The following SDAD1 variants were observed in gnomAD, a reference collection of about 807,000 sequenced individuals.
SDAD1 encodes protein SDA1 homolog.
A neutral mutation model predicts 100.3 loss-of-function variants in SDAD1; 79 were observed. The observed-to-expected ratio is 0.79, with a 90% CI of 0.66 to 0.95. The LOEUF (loss-of-function observed/expected upper bound fraction) is 0.95. SDAD1 is among the 40% of genes least tolerant of loss of function. The pLI is 0.00. For missense variants in SDAD1, 790 were observed against 810.9 expected (o/e 0.97, Z 0.31); for synonymous variants, 267 against 271.4 (o/e 0.98, Z 0.16).
chr4:75,955,213 CAT>C (rs1728822667), intron 21 of SDAD1, among the ~76,000 whole-genome samples: 1 of 152,216 alleles, frequency 6.6e-6, no homozygotes, highest in African/African-American at 2.4e-5. Context: ...ACTTCATCCC[CAT>C]GTGACCATCT....
intron 4 of SDAD1, 84 bp from the exon 5 acceptor site, chr4:75,976,079 C>A: frequency 1.3e-6 from 1 of 783,864 alleles, no homozygotes; most frequent in Non-Finnish European, 2.0e-6. Context: ...TATGAATGTA[C>A]AGGATGACTT....
intron 2 of SDAD1, 113 bp from the exon 3 acceptor site, chr4:75,981,583 T>G (rs1210068658): frequency 1.3e-6 from 2 of 1,538,332 alleles, no homozygotes; most frequent in Non-Finnish European, 1.8e-6. Flanking sequence ...TTCATAGAAG[T>G]AGATGGTTCC....
In SDAD1 at chr4:75,957,334, T is replaced by C. The variant is rs1249182834; in HGVS notation, c.1845A>G (p.Ala615=). ...TGATATGCTCACTCACCATTGCAGT[T>C]GCTAGTCTTGTCTCTTTGTCAGACT... is the stretch of plus-strand genomic sequence containing the variant. ...KPKSDKETRL[A]TAMAGKTDRK... The change falls in exon 20 of 22, where the codon GCA becomes GCG. Residue 615 remains alanine (A), a synonymous_variant. Transcript: ENST00000356260. The C allele has an allele frequency of 6.2e-7, 1 of 1,613,768 alleles. No homozygotes were observed. The highest frequency in any genetic ancestry group is 1.3e-5 in the African/African-American group (1 of 74,942).
chr4:75,956,012 A>G lies in SDAD1; in HGVS notation c.1979T>C (p.Val660Ala), dbSNP rs757534081. The G allele has an allele frequency of 1.9e-6, 3 of 1,600,778 alleles. No individual in the cohort carries two copies. The highest frequency in any genetic ancestry group is 2.5e-6 in the Non-Finnish European group (3 of 1,176,910). Residue 660 changes from valine to alanine, a missense_variant, in exon 21 of 22, where the codon GTC becomes GCC. Val to Ala is a moderately conservative substitution (Grantham distance 64, BLOSUM62 0). Coordinates refer to ENST00000356260, the MANE Select transcript of SDAD1 (RefSeq NM_018115.4). ...GAAGGAACGCTTATTTTTTGACCGGACATTCTGGCTATACCGCATCATCAT... is the reference window on the plus strand; with the variant it reads ...GAAGGAACGCTTATTTTTTGACCGGGCATTCTGGCTATACCGCATCATCAT... ...NFMMMRYSQN[V>A]RSKNKRSFRE...
At chr4:75,980,606 C>T (rs543575377) in intron 3 of SDAD1, among the ~76,000 whole-genome samples, 3 of 152,152 alleles carry the variant, frequency 2.0e-5, no homozygotes, top group South Asian at 2.1e-4. Context: ...TGCAGAGACA[C>T]GCAAAGCAAA....
rs1190453553 is a variant in SDAD1 at position 75,965,663 on chromosome 4, T to G, written c.1104+101A>C. 4 of 905,112 alleles carry G rather than the reference T, an allele frequency of 4.4e-6. No individual in the cohort carries two copies. The East Asian group carries it at 9.9e-5, about 22-fold the overall frequency. The allele number at this position is 905,112 out of a possible 1,614,324, so 56.1% of individuals were successfully genotyped here. A position where few individuals can be genotyped will look rare whatever the true frequency, so the allele number is the denominator to read the frequency against. On this transcript the variant is annotated intron_variant, in intron 13 of 21. Coordinates refer to ENST00000356260, the MANE Select transcript of SDAD1 (RefSeq NM_018115.4). ...GACAAGAAATAGAAAAAAACCCACG[T>G]TGAATTATCGGGGGCAGGTTCCCCC...
At chr4:75,956,520 C>G (rs1241423524) in intron 20 of SDAD1, among the ~76,000 whole-genome samples, 1 of 150,746 alleles carries the variant, frequency 6.6e-6, no homozygotes, top group Admixed American at 6.6e-5. Context: ...AGAAAGGACA[C>G]ATGGAAGACA....
At chr4:75,970,214 G>T in intron 10 of SDAD1, 95 bp downstream of exon 10, 1 of 996,456 alleles carries the variant, frequency 1.0e-6, no homozygotes, top group Non-Finnish European at 1.5e-6. Flanking sequence ...TCTACTAAAT[G>T]CCAGGGATCT....
chr4:75,966,264 G>GTATACA (rs1195380336), intron 12 of SDAD1, among the ~76,000 whole-genome samples: 3 of 107,886 alleles, frequency 2.8e-5, no homozygotes, highest in Admixed American at 9.9e-5. Flanking sequence ...CTGAATGAAT[G>GTATACA]CATACACACA....
chr4:75,956,629 C>T (rs1235709952), intron 20 of SDAD1, among the ~76,000 whole-genome samples: 2 of 152,166 alleles, frequency 1.3e-5, no homozygotes, highest in African/African-American at 2.4e-5. Context: ...TGAGCAGCCA[C>T]AGCACTAGCC....
chr4:75,983,888 C>T (rs1730705956), intron 1 of SDAD1, among the ~76,000 whole-genome samples: 2 of 151,916 alleles, frequency 1.3e-5, no homozygotes, highest in Admixed American at 6.5e-5. Flanking sequence ...ATGGTATTGC[C>T]TAGGTTTTCT....
intron 6 of SDAD1, among the ~76,000 whole-genome samples, chr4:75,974,756 T>C (rs1017095468): frequency 2.0e-5 from 3 of 149,180 alleles, no homozygotes; most frequent in Non-Finnish European, 3.0e-5. Context: ...AACTATAATA[T>C]ATAGGCCGGG....
rs549900747 is a variant in SDAD1, at chr4:75,976,475, A to G, written c.406-480T>C. Among the ~76,000 whole-genome samples, 150 of 152,372 alleles carry G rather than the reference A, an allele frequency of 9.8e-4. 1 individual carries two copies. The highest frequency in any genetic ancestry group is 3.4e-3 in the African/African-American group (143 of 41,594). ...TGAAAGAATCTAGTCACTAAAGACC[A>G]CATATTGTTATGATTCCACTTATAT... On this transcript the variant is annotated intron_variant, in intron 4 of 21. Transcript: ENST00000356260.
At chr4:75,968,335 T>C (rs541846883) in intron 11 of SDAD1, among the ~76,000 whole-genome samples, 6 of 152,364 alleles carry the variant, frequency 3.9e-5, no homozygotes, top group Admixed American at 2.6e-4. Flanking sequence ...ATGTGTACTT[T>C]CATTTTCAAC....
intron 3 of SDAD1, 141 bp downstream of exon 3, chr4:75,981,231 G>C (rs915170743): frequency 2.6e-6 from 2 of 764,620 alleles, no homozygotes; most frequent in Non-Finnish European, 4.1e-6. Flanking sequence ...AGAAGCCATA[G>C]AAGGATTTTT....
chr4:75,982,938 C>T (rs1730630234), intron 1 of SDAD1, among the ~76,000 whole-genome samples: 1 of 152,134 alleles, frequency 6.6e-6, no homozygotes, highest in Non-Finnish European at 1.5e-5. Context: ...AATGCTATCC[C>T]TCCCCTAGCC....
chr4:75,952,472 C>T (rs1404743446), intron 21 of SDAD1, among the ~76,000 whole-genome samples: 2 of 152,198 alleles, frequency 1.3e-5, no homozygotes, highest in Admixed American at 6.5e-5. Flanking sequence ...GCAAGATCCT[C>T]CTCTCCTTCC....
In SDAD1 at chr4:75,986,969, G is replaced by A. The variant is rs1367155187; in HGVS notation, c.90+3783C>T. Among the ~76,000 whole-genome samples the A allele has an allele frequency of 4.0e-5, 6 of 151,796 alleles. No individual in the cohort carries two copies. The South Asian group carries it at 6.2e-4, about 16-fold the overall frequency. The stretch of plus-strand genomic sequence containing the variant: ...GGAGGTTGAGGCTGCAGTGAGCCGT[G>A]ATCACACCACTGAACTCTGGCCTGG... On this transcript the variant is annotated intron_variant, in intron 1 of 21. Transcript: ENST00000356260.
rs1729601816 is a variant in SDAD1, at chr4:75,967,287, G to T, written c.1035C>A (p.Pro345=). The T allele has an allele frequency of 1.2e-6, 2 of 1,614,022 alleles. No individual in the cohort carries two copies. Among genetic ancestry groups the T allele is most frequent in the Non-Finnish European group, 1.7e-6 (2 of 1,179,962 alleles). Residue 345 remains proline, a synonymous_variant, in exon 12 of 22, where the codon CCC becomes CCA. Coordinates refer to ENST00000356260, the MANE Select transcript of SDAD1 (RefSeq NM_018115.4). ...CAAGTGGCAGCTTACCTCTTTGGTG[G>T]GGCTGCAGAAACCTTTGCAAAAAGG... ...FYPFLQRFLQ[P]HQREVTKILL... is the part of the protein sequence containing the mutation.
Sources: gnomAD v4.1 joint callset for allele counts (sites outside exome capture counted in the v4.1 genomes callset) on GRCh38, gnomAD v4.1.1 for gene constraint, MANE v1.5 for transcripts, NCBI Gene and HGNC (gene_info 2026-07-23, HGNC 2026-07-21) for gene names.